Variants in NBPF26 observed in about 807,000 individuals in gnomAD.
NBPF26 encodes NBPF family member NBPF26.
Under a neutral mutation model 119.6 loss-of-function variants are expected in NBPF26, and 79 were observed. The observed-to-expected ratio is 0.66, with a 90% CI of 0.55 to 0.80. NBPF26 has a LOEUF of 0.80. Among genes scored for constraint, NBPF26 ranks in the 30% least tolerant of loss-of-function variants. The pLI, the probability that NBPF26 is intolerant of heterozygous loss-of-function variation, is 0.00. For synonymous variants in NBPF26, 299 were observed against 457.7 expected, an observed-to-expected ratio of 0.65 and a Z score of 4.43; for missense variants, 800 against 1,198.2, an observed-to-expected ratio of 0.67 and a Z score of 4.91.
At chr1:120,810,890 C>G (rs1312533091) in intron 9 of NBPF26, among the ~76,000 whole-genome samples, 1 of 108,592 alleles carries the variant, frequency 9.2e-6, no homozygotes, top group East Asian at 2.1e-4. Flanking sequence ...TCCTCCCACT[C>G]TAATTCACTT....
At position 120,811,689 on chromosome 1, in the gene NBPF26, G is replaced by C. The variant is rs1213786089; in HGVS notation, c.1565-197G>C. On this transcript the variant is annotated intron_variant, in intron 9 of 29. Coordinates refer to ENST00000620612, the Ensembl canonical transcript of NBPF26. ...GCAAGAAAAGTGTAGAAGTGTTTAT[G>C]TCTTGGTTTCAAGGTGACTGCATAG... is the stretch of plus-strand genomic sequence containing the variant. Among the ~76,000 whole-genome samples the C allele has an allele frequency of 2.6e-5, 3 of 113,920 alleles. 1 individual carries two copies. In the East Asian group the frequency reaches 6.3e-4, roughly 24 times the overall value. The allele number at this position is 113,920 out of a possible 152,430, so 74.7% of individuals were successfully genotyped here. A position where few individuals can be genotyped will look rare whatever the true frequency, so the allele number is the denominator to read the frequency against.
At chr1:120,752,555 T>TA (rs1286857308) in intron 1 of NBPF26, among the ~76,000 whole-genome samples, 24 of 6,602 alleles carry the variant, frequency 3.6e-3, no homozygotes, top group African/African-American at 0.016. Flanking sequence ...TATATATATA[T>TA]TTTTTTTTTT....
intron 10 of NBPF26, among the ~76,000 whole-genome samples, chr1:120,813,371 C>A (rs1651924114): frequency 7.8e-6 from 1 of 127,802 alleles, no homozygotes; most frequent in African/African-American, 3.7e-5. Flanking sequence ...TTATGTGTCA[C>A]ACTTTATGCT....
intron 2 of NBPF26, among the ~76,000 whole-genome samples, chr1:120,779,556 AC>A (rs1412927742): frequency 5.8e-5 from 7 of 121,200 alleles, no homozygotes; most frequent in Non-Finnish European, 1.2e-4. Context: ...CAGGAGGGAA[AC>A]ATTCATATAG....
intron 3 of NBPF26, among the ~76,000 whole-genome samples, chr1:120,789,976 C>G (rs1352814839): frequency 1.2e-5 from 1 of 80,078 alleles, no homozygotes; most frequent in African/African-American, 9.7e-5. Context: ...TAAGAAGGAT[C>G]TCTTCTTGGT....
rs1229427489 is a variant in NBPF26 at position 120,768,349 on chromosome 1, GC to G, written c.155+4641del. Among the ~76,000 whole-genome samples, 6 of 97,668 alleles carry G rather than the reference GC, an allele frequency of 6.1e-5. 1 individual carries two copies. The highest frequency in any genetic ancestry group is 2.1e-4 in the African/African-American group (3 of 14,478). The allele number at this position is 97,668 out of a possible 152,430, so 64.1% of individuals were successfully genotyped here. A position where few individuals can be genotyped will look rare whatever the true frequency, so the allele number is the denominator to read the frequency against. ...TCTGCTCAGTCTTTTCAGCCGTCCA[GC>G]TCTTACTTTCTCTTGGGTTTCTGAA... is the stretch of plus-strand genomic sequence containing the variant. On this transcript the variant is annotated intron_variant, in intron 2 of 29. Coordinates refer to ENST00000620612, the Ensembl canonical transcript of NBPF26.
intron 1 of NBPF26, among the ~76,000 whole-genome samples, chr1:120,737,633 T>C (rs1322905033): frequency 9.6e-6 from 1 of 104,484 alleles, no homozygotes; most frequent in African/African-American, 5.7e-5. Context: ...ATTTAAAATT[T>C]CAATGACAGC....
intron 9 of NBPF26, among the ~76,000 whole-genome samples, chr1:120,811,212 C>T (rs1651856387): frequency 9.5e-6 from 1 of 105,154 alleles, no homozygotes; most frequent in South Asian, 2.7e-4. Flanking sequence ...TGTGCCACTG[C>T]ACTCCAGCCT....
At chr1:120,790,744 T>C (rs1322456805) in intron 3 of NBPF26, among the ~76,000 whole-genome samples, 1 of 110,538 alleles carries the variant, frequency 9.0e-6, no homozygotes, top group East Asian at 2.2e-4. Context: ...GGATTACAGG[T>C]ATGCGCTATG....
exon 29 of NBPF26, chr1:120,839,721 C>G (rs1652462946): frequency 4.6e-5 from 3 of 64,866 alleles, no homozygotes; most frequent in Non-Finnish European, 5.8e-5. Context: ...GGAAGAAGAT[C>G]AAAACCCACC....
At chr1:120,814,355 G>A (rs1240615204) in intron 11 of NBPF26, among the ~76,000 whole-genome samples, 4 of 112,754 alleles carry the variant, frequency 3.5e-5, no homozygotes, top group African/African-American at 1.0e-4. Context: ...GACTGACTGC[G>A]GCTTCTCATT....
Position 120,724,265 on chromosome 1 carries a change from G to C in NBPF26, c.73+15G>C. Reference sequence around the variant, plus strand: ...CCCCGCGCATGGTGAGTATCGGGCTGAGGGGCGCTGTCCGCGGCGCCCGGG... The same window carrying C: ...CCCCGCGCATGGTGAGTATCGGGCTCAGGGGCGCTGTCCGCGGCGCCCGGG... On this transcript the variant is annotated intron_variant, in intron 1 of 29. Coordinates refer to ENST00000620612, the Ensembl canonical transcript of NBPF26. The C allele has an allele frequency of 7.2e-7, 1 of 1,389,692 alleles. No individual in the cohort carries two copies. Among genetic ancestry groups the C allele is most frequent in the East Asian group, 2.5e-5 (1 of 40,220 alleles). The allele number at this position is 1,389,692 out of a possible 1,614,324, so 86.1% of individuals were successfully genotyped here.
intron 7 of NBPF26, among the ~76,000 whole-genome samples, chr1:120,809,414 C>T (rs1319714486): frequency 1.3e-5 from 2 of 148,746 alleles, no homozygotes; most frequent in Non-Finnish European, 3.0e-5. Context: ...GCATAGAGGA[C>T]TGTGGGACAA....
intron 27 of NBPF26, among the ~76,000 whole-genome samples, chr1:120,838,508 CTGTGTGTGTG>C (rs1221513620): frequency 6.0e-5 from 4 of 66,748 alleles, no homozygotes; most frequent in Non-Finnish European, 5.4e-5. Flanking sequence ...CTCTCTCTCT[CTGTGTGTGTG>C]TGTGTGTGTG....
At position 120,805,669 on chromosome 1, in the gene NBPF26, C is replaced by T. The variant is rs1651664939; in HGVS notation, c.865C>T (p.Gln289Ter). The change falls in exon 5 of 30, where the codon CAG becomes TAG. Residue 289 changes from glutamine (Q) to a stop codon, truncating the protein, a stop_gained. Transcript: ENST00000620612. LOFTEE classifies it high-confidence loss of function. Reference sequence around the variant, plus strand: ...AGAAATCAACGAGACATTGCGCCCCCAGCTGCCAGAGAACAAACAGCAGTT... The same window carrying T: ...AGAAATCAACGAGACATTGCGCCCCTAGCTGCCAGAGAACAAACAGCAGTT... The T allele has an allele frequency of 6.9e-7, 1 of 1,458,508 alleles. No homozygotes were observed. The highest frequency in any genetic ancestry group is 9.3e-7 in the Non-Finnish European group (1 of 1,079,502). 90.3% of individuals were successfully genotyped at this position (1,458,508 alleles called of 1,614,324 possible).
chr1:120,737,831 A>C lies in NBPF26; in HGVS notation c.73+13581A>C, dbSNP rs1307524205. ...TTCCCTTGACAGTTTGCTTCTTCTC[A>C]AGTTTTGGCAGCCTTGAACAAGTGG... On this transcript the variant is annotated intron_variant, in intron 1 of 29. Transcript: ENST00000620612. Among the ~76,000 whole-genome samples the C allele has an allele frequency of 2.6e-5, 3 of 115,100 alleles. 1 individual carries two copies. The highest frequency in any genetic ancestry group is 4.1e-4 in the East Asian group (2 of 4,820). 75.5% of individuals were successfully genotyped at this position (115,100 alleles called of 152,430 possible).
At chr1:120,811,635 G>T (rs1272056649) in intron 9 of NBPF26, among the ~76,000 whole-genome samples, 1 of 113,506 alleles carries the variant, frequency 8.8e-6, no homozygotes, top group Non-Finnish European at 1.7e-5. Flanking sequence ...AAATCTCAGG[G>T]CCAAGCCTTG....
chr1:120,755,662 A>G lies in NBPF26; in HGVS notation c.74-7966A>G, dbSNP rs1651071579. Reference sequence around the variant, plus strand: ...ATTCTAGATTTATCAGCTAACTGGAATGATTTTTTTATAGTATGAAAAGTC... The same window carrying G: ...ATTCTAGATTTATCAGCTAACTGGAGTGATTTTTTTATAGTATGAAAAGTC... On this transcript the variant is annotated intron_variant, in intron 1 of 29. Transcript: ENST00000620612. Among the ~76,000 whole-genome samples, 2 of 92,224 alleles carry G rather than the reference A, an allele frequency of 2.2e-5. 1 individual carries two copies. The highest frequency in any genetic ancestry group is 6.2e-4 in the South Asian group (2 of 3,248). The allele number at this position is 92,224 out of a possible 152,430, so 60.5% of individuals were successfully genotyped here. A position where few individuals can be genotyped will look rare whatever the true frequency, so the allele number is the denominator to read the frequency against.
intron 15 of NBPF26, among the ~76,000 whole-genome samples, chr1:120,819,136 G>A (rs2101528842): frequency 8.0e-6 from 1 of 124,796 alleles, no homozygotes; most frequent in East Asian, 2.0e-4. Flanking sequence ...GGTCTCTCAG[G>A]ACTTGCTTTA....
Sources: allele counts gnomAD v4.1 joint callset (sites outside exome capture counted in the v4.1 genomes callset), GRCh38; gene constraint gnomAD v4.1.1; transcripts MANE v1.5; gene names NCBI Gene and HGNC (gene_info 2026-07-23, HGNC 2026-07-21).